Variants in FBN3 observed in about 807,000 individuals in gnomAD.
FBN3 encodes the protein fibrillin 3.
In FBN3, 234 loss-of-function variants were observed where a neutral mutation model predicts 330.1. The ratio of observed to expected loss-of-function variants is 0.71; its 90% confidence interval spans 0.64 to 0.79. FBN3 has a LOEUF of 0.79. Among genes scored for constraint, FBN3 ranks in the 30% least tolerant of loss-of-function variants. The pLI is 0.00. For synonymous variants in FBN3, 1,458 were observed against 1,517.3 expected (o/e 0.96, Z 0.91); for missense variants, 3,606 against 3,886.9 (o/e 0.93, Z 1.92).
intron 30 of FBN3, among the ~76,000 whole-genome samples, chr19:8,112,964 C>G (rs923022753): frequency 6.6e-6 from 1 of 152,212 alleles, no homozygotes; most frequent in Non-Finnish European, 1.5e-5. Context: ...AACCATGTAA[C>G]TGGAGTGGAT....
At chr19:8,112,166 G>T in intron 30 of FBN3, 67 bp from the exon 31 acceptor site, 1 of 1,540,348 alleles carries the variant, frequency 6.5e-7, no homozygotes, top group Non-Finnish European at 8.9e-7. Context: ...CAATAGCAGC[G>T]GAAAGGGCAG....
In FBN3 at chr19:8,111,961, G is replaced by T; in HGVS notation, c.3961+16C>A. Reference sequence around the variant, plus strand: ...CTCTACTGCTTTGCCCCCACTCCCTGCCCCCAGGTACTCACCGTGACATTC... The same window carrying T: ...CTCTACTGCTTTGCCCCCACTCCCTTCCCCCAGGTACTCACCGTGACATTC... On this transcript the variant is annotated intron_variant, in intron 31 of 63. Transcript: ENST00000600128. The T allele has an allele frequency of 6.9e-7, 1 of 1,457,840 alleles. No individual in the cohort carries two copies. The highest frequency in any genetic ancestry group is 9.3e-7 in the Non-Finnish European group (1 of 1,080,004). The allele number at this position is 1,457,840 out of a possible 1,614,324, so 90.3% of individuals were successfully genotyped here.
At chr19:8,128,203 T>C (rs1220383665) in intron 18 of FBN3, among the ~76,000 whole-genome samples, 1 of 152,100 alleles carries the variant, frequency 6.6e-6, no homozygotes, top group African/African-American at 2.4e-5. Context: ...GGGATGTGTG[T>C]ATAACTGTGT....
chr19:8,095,266 TA>T, intron 46 of FBN3, 108 bp downstream of exon 46: 1 of 1,192,660 alleles, frequency 8.4e-7, no homozygotes, highest in Non-Finnish European at 1.1e-6. Flanking sequence ...AATCTTAAAA[TA>T]AATGCTTGGG....
intron 13 of FBN3, 84 bp from the exon 14 acceptor site, chr19:8,133,190 C>G (rs1275406710): frequency 6.9e-7 from 1 of 1,448,450 alleles, no homozygotes; most frequent in Non-Finnish European, 9.2e-7. Flanking sequence ...AGGGCTGACC[C>G]CCCAGGATCC....
Position 8,097,420 on chromosome 19 carries a change from GA to G in FBN3, c.5162-7del. On this transcript the variant is annotated splice_polypyrimidine_tract_variant and splice_region_variant and intron_variant, in intron 41 of 63. Transcript: ENST00000600128. ...CTCCCCACACTCATCAATGTCTGCA[GA>G]AGGCATCTGCCATCAGGGGCAGCCC... 6.3e-7 allele frequency: 1 copy of G among 1,582,614 alleles called. No individual in the cohort carries two copies. The highest frequency in any genetic ancestry group is 8.7e-7 in the Non-Finnish European group (1 of 1,154,470).
intron 18 of FBN3, among the ~76,000 whole-genome samples, chr19:8,127,842 G>A (rs1599408613): frequency 6.6e-6 from 1 of 152,056 alleles, no homozygotes; most frequent in African/African-American, 2.4e-5. Flanking sequence ...TTAGCTGGGC[G>A]TGATGGCACA....
At chr19:8,141,194 CAAAAAA>C (rs56060033) in intron 8 of FBN3, among the ~76,000 whole-genome samples, 1 of 54,354 alleles carries the variant, frequency 1.8e-5, no homozygotes, top group Non-Finnish European at 3.3e-5. Flanking sequence ...GACTCCGTCT[CAAAAAA>C]AAAAAAAAAA....
At position 8,147,115 on chromosome 19, in the gene FBN3, T is replaced by C. The variant is rs774859226; in HGVS notation, c.239A>G (p.Gln80Arg). 3.2e-6 allele frequency: 5 copies of C among 1,564,006 alleles called. No homozygotes were observed. The highest frequency in any genetic ancestry group is 4.3e-6 in the Non-Finnish European group (5 of 1,156,866). ...PGWRTFPGRS[Q>R]CVVPICRRAC... ...GCGGTAGCACTCACGTACGACACAC[T>C]GGCTCCTGCCAGGGAATGTCCTCCA... is the stretch of plus-strand genomic sequence containing the variant. Residue 80 changes from glutamine to arginine, a missense_variant, in exon 3 of 64, where the codon CAG (glutamine) becomes CGG (arginine). By Grantham distance (43) the Gln-to-Arg change is conservative (BLOSUM62 1). Coordinates refer to ENST00000600128, the MANE Select transcript of FBN3 (RefSeq NM_032447.5).
At position 8,075,205 on chromosome 19, in the gene FBN3, G is replaced by T. The variant is rs922967358; in HGVS notation, c.7583-15C>A. 5.7e-6 allele frequency: 9 copies of T among 1,569,266 alleles called. No homozygotes were observed. Among genetic ancestry groups the T allele is most frequent in the Non-Finnish European group, 6.9e-6 (8 of 1,153,638 alleles). On this transcript the variant is annotated splice_polypyrimidine_tract_variant and intron_variant, in intron 60 of 63. Coordinates refer to ENST00000600128, the MANE Select transcript of FBN3 (RefSeq NM_032447.5). ...TTCATTCACATCTGAGACATAGAGA[G>T]AGGGAGAGAGGGTTTACCAGACGGC...
rs140744778 is a variant in FBN3 at position 8,111,853 on chromosome 19, C to G, written c.3962-83G>C. The G allele has an allele frequency of 9.0e-4, 1,404 of 1,553,936 alleles. 12 individuals are homozygous for G. In the African/African-American group the frequency reaches 0.016, roughly 18 times the overall value. On this transcript the variant is annotated intron_variant, in intron 31 of 63. Coordinates refer to ENST00000600128, the MANE Select transcript of FBN3 (RefSeq NM_032447.5). ...GAAGGGAGAAAGACCCATCAACCCT[C>G]CAACCCTGACTGCCCCCCTGCAGAC... is the stretch of plus-strand genomic sequence containing the variant.
At chr19:8,106,020 C>G in intron 38 of FBN3, 88 bp downstream of exon 38, 1 of 1,523,028 alleles carries the variant, frequency 6.6e-7, no homozygotes, top group Non-Finnish European at 9.0e-7. Flanking sequence ...GAGGCCTTCC[C>G]TCCTCTACCC....
chr19:8,147,671 C>T, intron 1 of FBN3, 174 bp from the exon 2 acceptor site: 1 of 477,862 alleles, frequency 2.1e-6, no homozygotes, highest in East Asian at 3.3e-5. Context: ...AGGAGGCTTC[C>T]TGGAGGAGGT....
At position 8,065,879 on chromosome 19, in the gene FBN3, C is replaced by T; in HGVS notation, c.*40G>A. 6.9e-7 allele frequency: 1 copy of T among 1,456,628 alleles called. No homozygotes were observed. Among genetic ancestry groups the T allele is most frequent in the Admixed American group, 2.2e-5 (1 of 45,514 alleles). The allele number at this position is 1,456,628 out of a possible 1,614,324, so 90.2% of individuals were successfully genotyped here. On this transcript the variant is annotated 3_prime_UTR_variant, in exon 64 of 64. Coordinates refer to ENST00000600128, the MANE Select transcript of FBN3 (RefSeq NM_032447.5). The stretch of plus-strand genomic sequence containing the variant: ...CAGTCCTTCCCAGTTCCAGAATCCC[C>T]CTTCTCTGGACAGCTGGGGCCCACT...
chr19:8,103,855 G>A (rs920792578), intron 38 of FBN3, among the ~76,000 whole-genome samples, 168 bp from the exon 39 acceptor site: 1 of 152,102 alleles, frequency 6.6e-6, no homozygotes, highest in Non-Finnish European at 1.5e-5. Context: ...CTATAATATG[G>A]GCTGGGCATG....
At position 8,111,063 on chromosome 19, in the gene FBN3, C is replaced by T. The variant is rs1328652120; in HGVS notation, c.4205G>A (p.Cys1402Tyr). Residue 1402 changes from cysteine (C) to tyrosine (Y), a missense_variant, in exon 33 of 64, where the codon TGC (cysteine) becomes TAC (tyrosine). By Grantham distance (194) the Cys-to-Tyr change is radical. Transcript: ENST00000600128. The part of the protein sequence containing the change: ...GFDPTEDHRA[C>Y]QDVDECAQGN... ...CCTGGCGGGCCCAACCTTACCCTGG[C>T]AGGCCCGGTGGTCCTCGGTGGGGTC... The T allele has an allele frequency of 6.2e-7, 1 of 1,612,852 alleles. No homozygotes were observed. Among genetic ancestry groups the T allele is most frequent in the South Asian group, 1.1e-5 (1 of 90,926 alleles).
In FBN3 at chr19:8,103,661, C is replaced by T. The variant is rs33967815; in HGVS notation, c.4840G>A (p.Gly1614Ser). The change falls in exon 39 of 64, where the codon GGC becomes AGC. Residue 1614 changes from glycine to serine, a missense_variant. Coordinates refer to ENST00000600128, the MANE Select transcript of FBN3 (RefSeq NM_032447.5). ...EDIDECSTHS[G>S]ICGPGTCYNT... ...TAGCAGGTGCCAGGGCCACAGATGC[C>T]GGAGTGTGTGGAGCATTCGTCAATA... 463,056 of 1,612,494 alleles carry T rather than the reference C, an allele frequency of 0.29. 72,056 individuals carry two copies. The highest frequency in any genetic ancestry group is 0.33 in the Middle Eastern group (1,991 of 6,054).
At chr19:8,088,257 GACC>G in intron 51 of FBN3, 78 bp from the exon 52 acceptor site, 1 of 1,503,116 alleles carries the variant, frequency 6.7e-7, no homozygotes. Context: ...CCTGCCTGTT[GACC>G]ACCACAGATC....
chr19:8,104,303 C>G (rs67061735), intron 38 of FBN3, among the ~76,000 whole-genome samples: 38,709 of 150,830 alleles, frequency 0.26, 5,590 homozygotes, highest in East Asian at 0.5. Context: ...GAGGTCCCAT[C>G]TCTACAAAAA....
Sources: gnomAD v4.1 joint callset for allele counts (sites outside exome capture counted in the v4.1 genomes callset) on GRCh38, gnomAD v4.1.1 for gene constraint, MANE v1.5 for transcripts, NCBI Gene and HGNC (gene_info 2026-07-23, HGNC 2026-07-21) for gene names.